Variants in TADA1 observed in about 807,000 individuals in gnomAD.
TADA1 encodes the protein transcriptional adapter 1.
A neutral mutation model predicts 39.3 loss-of-function variants in TADA1; 23 were observed. The ratio of observed to expected loss-of-function variants is 0.58; its 90% CI spans 0.42 to 0.83. TADA1 has a LOEUF of 0.83. Ranked by LOEUF, TADA1 falls within the 40% of genes least tolerant of loss-of-function variation. TADA1 has a pLI of 0.00. For missense variants in TADA1, 352 were observed against 408.1 expected, an observed-to-expected ratio of 0.86 and a Z score of 1.18; for synonymous variants, 137 against 151.8, an observed-to-expected ratio of 0.90 and a Z score of 0.72.
chr1:166,864,419 A>AGAAGCT (rs1204539382), intron 3 of TADA1, among the ~76,000 whole-genome samples: 2 of 152,198 alleles, frequency 1.3e-5, no homozygotes, highest in Non-Finnish European at 2.9e-5. Context: ...GCAGACCCAT[A>AGAAGCT]GAAGCTGTAA....
intron 1 of TADA1, among the ~76,000 whole-genome samples, chr1:166,871,716 T>C (rs2101796130): frequency 6.6e-6 from 1 of 152,222 alleles, no homozygotes; most frequent in East Asian, 1.9e-4. Flanking sequence ...ACAGTAACTT[T>C]CCAACAGTGG....
chr1:166,863,168 T>C (rs1658453992), intron 4 of TADA1: 2 of 152,564 alleles, frequency 1.3e-5, no homozygotes, highest in South Asian at 4.1e-4. Context: ...TAAAACTACT[T>C]TATATTGAAC....
intron 4 of TADA1, chr1:166,862,980 C>T (rs1658450408): frequency 6.4e-6 from 1 of 155,106 alleles, no homozygotes; most frequent in Non-Finnish European, 1.4e-5. Context: ...TTCATAAAAT[C>T]TCAGCCTTCC....
chr1:166,862,878 A>G (rs1658447478), intron 4 of TADA1: 1 of 171,054 alleles, frequency 5.8e-6, no homozygotes, highest in East Asian at 1.7e-4. Context: ...AATGCTATGT[A>G]GAGTAACTAC....
At chr1:166,875,993 A>C (rs937733167) in intron 1 of TADA1, among the ~76,000 whole-genome samples, 167 bp downstream of exon 1, 3 of 152,126 alleles carry the variant, frequency 2.0e-5, no homozygotes, top group Non-Finnish European at 4.4e-5. Flanking sequence ...CGGTGAGTTC[A>C]GGTGGCCCGC....
chr1:166,863,979 G>A, intron 3 of TADA1, 58 bp from the exon 4 acceptor site: 3 of 1,417,872 alleles, frequency 2.1e-6, no homozygotes, highest in South Asian at 1.3e-5. Flanking sequence ...TAACTGCTAA[G>A]TTTGTTTTCA....
Position 166,858,165 on chromosome 1 carries a change from G to A in TADA1, c.809C>T (p.Ala270Val). Residue 270 changes from alanine (A) to valine (V), a missense_variant, in exon 7 of 8, where the codon GCA becomes GTA. Around this residue, in one of 3 missense-constraint regions of TADA1, gnomAD observed 285 missense variants for 310.9 expected, o/e 0.92. Coordinates refer to ENST00000367874, the MANE Select transcript of TADA1 (RefSeq NM_053053.4). Reference sequence around the variant, plus strand: ...GTACATGTTCACCGGAGGCAAAGATGCAGGTAGAGTGTCTCCGGAGCATGC... The same window carrying A: ...GTACATGTTCACCGGAGGCAAAGATACAGGTAGAGTGTCTCCGGAGCATGC... The part of the protein sequence containing the change: ...LLACSGDTLP[A>V]SLPPVNMYDL... The A allele has an allele frequency of 6.2e-7, 1 of 1,614,194 alleles. No homozygotes were observed. The highest frequency in any genetic ancestry group is 8.5e-7 in the Non-Finnish European group (1 of 1,180,040).
chr1:166,858,964 C>A (rs1412989056), intron 6 of TADA1, among the ~76,000 whole-genome samples: 3 of 152,230 alleles, frequency 2.0e-5, no homozygotes, highest in Non-Finnish European at 2.9e-5. Flanking sequence ...GCAGAGAGGG[C>A]TTGGGAGTCC....
At chr1:166,869,707 T>C in intron 2 of TADA1, 56 bp downstream of exon 2, 2 of 1,566,984 alleles carry the variant, frequency 1.3e-6, no homozygotes, top group Non-Finnish European at 1.8e-6. Flanking sequence ...AAGACTTTAC[T>C]ACAAATCTAG....
At chr1:166,869,184 G>T in intron 3 of TADA1, 1 of 450,408 alleles carries the variant, frequency 2.2e-6, no homozygotes, top group South Asian at 2.6e-5. Flanking sequence ...GGGTTCAGGA[G>T]GTTTGGGTTC....
At position 166,860,911 on chromosome 1, in the gene TADA1, C is replaced by T. The variant is rs181708814; in HGVS notation, c.541-574G>A. On this transcript the variant is annotated intron_variant, in intron 5 of 7. Transcript: ENST00000367874. Reference sequence around the variant, plus strand: ...CTCGAACTTCTGACCTCAGGTGACCCGCCCATCTCAGCCTCCCAAAGTGCT... The same window carrying T: ...CTCGAACTTCTGACCTCAGGTGACCTGCCCATCTCAGCCTCCCAAAGTGCT... 5.3e-5 allele frequency among the ~76,000 whole-genome samples: 8 copies of T among 152,144 alleles called. No individual in the cohort carries two copies. The East Asian group carries it at 1.2e-3, about 22-fold the overall frequency.
intron 3 of TADA1, among the ~76,000 whole-genome samples, chr1:166,867,108 C>T (rs1434724112): frequency 2.6e-5 from 4 of 152,176 alleles, no homozygotes; most frequent in South Asian, 2.1e-4. Context: ...CATAATCCTA[C>T]GGGGTAGATA....
intron 3 of TADA1, 52 bp from the exon 4 acceptor site, chr1:166,863,973 T>C: frequency 7.0e-7 from 1 of 1,435,266 alleles, no homozygotes; most frequent in Non-Finnish European, 9.5e-7. Context: ...AACTGATAAC[T>C]GCTAAGTTTG....
At chr1:166,865,606 G>A (rs1388127981) in intron 3 of TADA1, among the ~76,000 whole-genome samples, 1 of 151,960 alleles carries the variant, frequency 6.6e-6, no homozygotes, top group Non-Finnish European at 1.5e-5. Context: ...GAGGTCAGGA[G>A]ATCAAGACCA....
At position 166,870,996 on chromosome 1, in the gene TADA1, G is replaced by A. The variant is rs529263578; in HGVS notation, c.75-1142C>T. Among the ~76,000 whole-genome samples the A allele has an allele frequency of 3.9e-4, 59 of 152,198 alleles. 1 individual carries two copies. Among genetic ancestry groups the A allele is most frequent in the South Asian group, 2.5e-3 (12 of 4,812 alleles). ...ATATTTTAAACTGTGTGTGTTTAAC[G>A]GAGAGGGGAGTAGTCATTTATATTT... On this transcript the variant is annotated intron_variant, in intron 1 of 7. Coordinates refer to ENST00000367874, the MANE Select transcript of TADA1 (RefSeq NM_053053.4).
rs143082559 is a variant in TADA1, at chr1:166,862,340, C to T, written c.403G>A (p.Asp135Asn). ...FVAKDPQDDD[D>N]LKLCSHTMML... ...ATTGTGTGGGAACAAAGTTTCAAGT[C>T]GTCATCATCTTGGGGATCCTTTGCC... Residue 135 changes from aspartate to asparagine, a missense_variant, in exon 5 of 8, where the codon GAC (aspartate) becomes AAC (asparagine). Physicochemically the swap from Asp to Asn is conservative, Grantham distance 23 (BLOSUM62 1). Coordinates refer to ENST00000367874, the MANE Select transcript of TADA1 (RefSeq NM_053053.4). 3.7e-6 allele frequency: 6 copies of T among 1,614,038 alleles called. No homozygotes were observed. The highest frequency in any genetic ancestry group is 2.2e-5 in the East Asian group (1 of 44,886).
intron 1 of TADA1, among the ~76,000 whole-genome samples, chr1:166,875,756 G>C (rs919616886): frequency 4.9e-4 from 75 of 152,336 alleles, no homozygotes; most frequent in Admixed American, 1.6e-3. Context: ...AAGCCCTCCA[G>C]GGGCGGGCCG....
At chr1:166,863,145 C>T (rs1254355863) in intron 4 of TADA1, 3 of 152,300 alleles carry the variant, frequency 2.0e-5, no homozygotes, top group Non-Finnish European at 4.4e-5. Context: ...GTTATTTTTC[C>T]ATTTTCCAAG....
intron 3 of TADA1, among the ~76,000 whole-genome samples, chr1:166,867,148 C>A (rs989367956): frequency 1.3e-5 from 2 of 152,068 alleles, no homozygotes; most frequent in African/African-American, 4.8e-5. Flanking sequence ...AATTTGAAAG[C>A]CCAAGTAACT....
Sources: allele counts gnomAD v4.1 joint callset (sites outside exome capture counted in the v4.1 genomes callset), GRCh38; gene constraint gnomAD v4.1.1; regional missense constraint gnomAD v4.1.1; transcripts MANE v1.5; gene names NCBI Gene and HGNC (gene_info 2026-07-23, HGNC 2026-07-21).